SMARCA2: variants seen among roughly 807,000 people sequenced by gnomAD.
SMARCA2 encodes the protein SWI/SNF related BAF chromatin remodeling complex subunit ATPase 2.
Under a neutral mutation model 199.8 loss-of-function variants are expected in SMARCA2, and 61 were observed. That is an observed-to-expected ratio of 0.31 (90% confidence interval 0.25 to 0.38). SMARCA2 has a LOEUF of 0.38. SMARCA2 is among the 10% of genes least tolerant of loss of function. The pLI is 1.00. For synonymous variants in SMARCA2, 935 were observed against 732.0 expected, an observed-to-expected ratio of 1.28 and a Z score of -4.48; for missense variants, 1,344 against 2,012.2, an observed-to-expected ratio of 0.67 and a Z score of 6.35.
At chr9:2,083,556 A>C in intron 16 of SMARCA2, 143 bp downstream of exon 16, 1 of 536,442 alleles carries the variant, frequency 1.9e-6, no homozygotes. Flanking sequence ...AGAGTTAATC[A>C]TCCCAAGAAG....
In SMARCA2 at chr9:2,151,276, AAAT is replaced by A. The variant is rs1242463688; in HGVS notation, c.3982-10408_3982-10406del. 6.6e-5 allele frequency among the ~76,000 whole-genome samples: 10 copies of A among 151,638 alleles called. 1 individual carries two copies. The highest frequency in any genetic ancestry group is 2.4e-4 in the African/African-American group (10 of 41,374). On this transcript the variant is annotated intron_variant, in intron 27 of 33. Coordinates refer to ENST00000349721, the MANE Select transcript of SMARCA2 (RefSeq NM_003070.5). ...CTCAGTGAAAACATGACATTTAAAAAAATAGTTCATCAGGAGAGGGAATTGGCC... is the reference window on the plus strand; with the variant it reads ...CTCAGTGAAAACATGACATTTAAAAAAGTTCATCAGGAGAGGGAATTGGCC...
intron 11 of SMARCA2, 66 bp downstream of exon 11, chr9:2,073,408 T>G: frequency 1.3e-6 from 2 of 1,594,468 alleles, no homozygotes; most frequent in Non-Finnish European, 1.7e-6. Flanking sequence ...TCTTGTACGA[T>G]CTCGAAACTA....
At chr9:2,159,665 A>AG in intron 27 of SMARCA2, 1 of 917,570 alleles carries the variant, frequency 1.1e-6, no homozygotes, top group Non-Finnish European at 1.6e-6. Context: ...AACAGGCTGA[A>AG]GGAGGAAGCC....
At chr9:2,083,141 T>C (rs1369750593) in intron 15 of SMARCA2, among the ~76,000 whole-genome samples, 1 of 152,212 alleles carries the variant, frequency 6.6e-6, no homozygotes, top group Non-Finnish European at 1.5e-5. Flanking sequence ...GATTTTTTTA[T>C]GAACCACAAA....
At position 2,161,669 on chromosome 9, in the gene SMARCA2, T is replaced by C; in HGVS notation, c.3982-17T>C. ...TTCTCTTGTCTTGAATTTGTCTCCT[T>C]TGTTTCCAACGAACAGGCCATCGAA... On this transcript the variant is annotated splice_polypyrimidine_tract_variant and intron_variant, in intron 27 of 33. Coordinates refer to ENST00000349721, the MANE Select transcript of SMARCA2 (RefSeq NM_003070.5). This position sits in a 1 kb window ranked among gnomAD's most constrained non-coding sequence, Gnocchi z 4.7. 1 of 1,589,886 alleles carries C rather than the reference T, an allele frequency of 6.3e-7. No individual in the cohort carries two copies. Among genetic ancestry groups the C allele is most frequent in the East Asian group, 2.2e-5 (1 of 44,750 alleles).
intron 27 of SMARCA2, among the ~76,000 whole-genome samples, chr9:2,156,270 G>A (rs1447987475): frequency 6.6e-6 from 1 of 152,160 alleles, no homozygotes; most frequent in African/African-American, 2.4e-5. Flanking sequence ...TATGTGCTGT[G>A]TGTCGAGGTG....
In SMARCA2 at chr9:2,086,092, A is replaced by C. The variant is rs1388702785; in HGVS notation, c.2527-737A>C. 6.6e-6 allele frequency: 1 copy of C among 152,244 alleles called. No homozygotes were observed. Among genetic ancestry groups the C allele is most frequent in the African/African-American group, 2.4e-5 (1 of 41,454 alleles). The allele number at this position is 152,244 out of a possible 1,614,324, so 9.4% of individuals were successfully genotyped here. On this transcript the variant is annotated intron_variant, in intron 17 of 33. Coordinates refer to ENST00000349721, the MANE Select transcript of SMARCA2 (RefSeq NM_003070.5). This position sits in a 1 kb window ranked among gnomAD's most constrained non-coding sequence, Gnocchi z 4.3. ...ATAAATACAGGAGTGATATTTTTGC[A>C]GTGCGCTTTCTGCCAGTGAGTATAT...
intron 27 of SMARCA2, among the ~76,000 whole-genome samples, chr9:2,130,608 G>C (rs1293220592): frequency 6.6e-6 from 1 of 152,114 alleles, no homozygotes; most frequent in Non-Finnish European, 1.5e-5. Context: ...TTACAGTTTT[G>C]TAACTTTCCT....
intron 7 of SMARCA2, among the ~76,000 whole-genome samples, chr9:2,058,003 C>A (rs1449385863): frequency 6.6e-6 from 1 of 152,178 alleles, no homozygotes; most frequent in African/African-American, 2.4e-5. Flanking sequence ...TTGTAGGTCT[C>A]TTTCAGTCTT....
intron 14 of SMARCA2, among the ~76,000 whole-genome samples, chr9:2,079,208 A>C (rs1821458564): frequency 6.6e-6 from 1 of 152,188 alleles, no homozygotes; most frequent in African/African-American, 2.4e-5. Flanking sequence ...ATCAACATGT[A>C]ACCATAAGGC....
At position 2,056,718 on chromosome 9, in the gene SMARCA2, A is replaced by C. The variant is rs774354241; in HGVS notation, c.1220A>C (p.Glu407Ala). The change falls in exon 7 of 34, where the codon GAG becomes GCG. Residue 407 changes from glutamate to alanine, a missense_variant. Physicochemically the swap from Glu to Ala is moderately radical, Grantham distance 107. Around this residue, in one of 18 missense-constraint regions of SMARCA2, gnomAD observed 155 missense variants for 260.0 expected, o/e 0.60. Transcript: ENST00000349721. This position sits in a 1 kb window ranked among gnomAD's most constrained non-coding sequence, Gnocchi z 4.0. ...TGCATGCGCAGGGACACGACCCTGG[A>C]GACGGCTCTCAACTCCAAAGCATAC... ...VACMRRDTTLETALNSKAYKR... is the reference protein window; with the variant it reads ...VACMRRDTTLATALNSKAYKR... 1 of 1,614,208 alleles carries C rather than the reference A, an allele frequency of 6.2e-7. No individual in the cohort carries two copies.
chr9:2,170,541 T>C lies in SMARCA2; in HGVS notation c.4253+69T>C. The C allele has an allele frequency of 1.2e-6, 2 of 1,611,410 alleles. No homozygotes were observed. Among genetic ancestry groups the C allele is most frequent in the Non-Finnish European group, 8.5e-7 (1 of 1,178,376 alleles). ...CCCTCGTTACGTGAAACAGATTGAA[T>C]CATATAATCGGCCTTTGGAAGCAAA... On this transcript the variant is annotated intron_variant, in intron 29 of 33. Transcript: ENST00000349721. The surrounding 1 kb of genome is among the most constrained non-coding windows in gnomAD (Gnocchi z 4.7).
chr9:2,048,905 C>T (rs752585479), intron 5 of SMARCA2, among the ~76,000 whole-genome samples: 1 of 152,132 alleles, frequency 6.6e-6, no homozygotes, highest in South Asian at 2.1e-4. Context: ...GCAGTACATT[C>T]TGTATGTTAC....
intron 28 of SMARCA2, among the ~76,000 whole-genome samples, chr9:2,168,955 C>CT (rs1826083946): frequency 2.0e-5 from 3 of 152,132 alleles, no homozygotes; most frequent in Admixed American, 2.0e-4. Context: ...TCTAAGGTAG[C>CT]ACTTGTTGTT....
intron 27 of SMARCA2, among the ~76,000 whole-genome samples, chr9:2,126,739 G>A (rs914137099): frequency 2.6e-5 from 4 of 152,248 alleles, no homozygotes; most frequent in African/African-American, 7.2e-5. Context: ...GAGCTGCAAG[G>A]CAGTTGAATG....
intron 2 of SMARCA2, among the ~76,000 whole-genome samples, chr9:2,030,502 A>G (rs1431451116): frequency 6.6e-6 from 1 of 151,938 alleles, no homozygotes; most frequent in Non-Finnish European, 1.5e-5. Context: ...GACCCAGCTT[A>G]AGCAGTCAGG....
chr9:2,184,344 G>A (rs77365770), intron 31 of SMARCA2, among the ~76,000 whole-genome samples: 1 of 142,248 alleles, frequency 7.0e-6, no homozygotes, highest in South Asian at 2.3e-4. Context: ...GCAAAACATA[G>A]GATAATATCT....
At chr9:2,060,350 T>C in intron 8 of SMARCA2, among the ~76,000 whole-genome samples, 1 of 152,116 alleles carries the variant, frequency 6.6e-6, no homozygotes, top group Middle Eastern at 3.2e-3. Context: ...AGAAGAAGAG[T>C]AGCAATGAAA....
intron 27 of SMARCA2, among the ~76,000 whole-genome samples, chr9:2,149,683 G>C (rs992799706): frequency 6.6e-6 from 1 of 151,534 alleles, no homozygotes; most frequent in African/African-American, 2.4e-5. Flanking sequence ...AATTCAAGAT[G>C]AGATTTGGGT....
Sources: gnomAD v4.1 joint callset for allele counts (sites outside exome capture counted in the v4.1 genomes callset) on GRCh38, gnomAD v4.1.1 for gene constraint, gnomAD v4.1.1 regional missense constraint, Gnocchi (gnomAD v3.1) non-coding constraint, MANE v1.5 for transcripts, NCBI Gene and HGNC (gene_info 2026-07-23, HGNC 2026-07-21) for gene names.